IDE: variants seen among roughly 807,000 people sequenced by gnomAD.
The protein encoded by IDE is insulin degrading enzyme, also known as insulin-degrading enzyme.
Under a neutral mutation model 133.2 loss-of-function variants are expected in IDE, and 58 were observed. The ratio of observed to expected loss-of-function variants is 0.44; its 90% CI spans 0.35 to 0.54. The LOEUF (loss-of-function observed/expected upper bound fraction) is 0.54. IDE is among the 20% of genes least tolerant of loss of function. IDE has a pLI of 0.00. For synonymous variants in IDE, 396 were observed against 421.3 expected (o/e 0.94, Z 0.73); for missense variants, 981 against 1,234.0 (o/e 0.79, Z 3.07).
chr10:92,569,477 A>T (rs929997961), intron 1 of IDE, among the ~76,000 whole-genome samples: 5 of 152,218 alleles, frequency 3.3e-5, no homozygotes, highest in Non-Finnish European at 2.9e-5. Context: ...GATGTTACGA[A>T]GATGATCATG....
chr10:92,483,800 A>C (rs1484453946), intron 13 of IDE, among the ~76,000 whole-genome samples: 1 of 152,102 alleles, frequency 6.6e-6, no homozygotes, highest in Non-Finnish European at 1.5e-5. Context: ...ACAAAATATG[A>C]CAGAATTAAT....
intron 12 of IDE, among the ~76,000 whole-genome samples, chr10:92,487,553 A>G (rs1279185468): frequency 6.6e-6 from 1 of 152,178 alleles, no homozygotes; most frequent in Non-Finnish European, 1.5e-5. Flanking sequence ...TCCTCTCCAC[A>G]TCTCCAAAAT....
intron 1 of IDE, among the ~76,000 whole-genome samples, chr10:92,555,156 C>A (rs1356331795): frequency 1.3e-5 from 2 of 152,120 alleles, no homozygotes; most frequent in East Asian, 3.9e-4. Context: ...CATTTCTATT[C>A]ATCAATGATA....
At chr10:92,484,782 G>C (rs146061621) in intron 13 of IDE, among the ~76,000 whole-genome samples, 143 of 152,140 alleles carry the variant, frequency 9.4e-4, no homozygotes, top group South Asian at 1.9e-3. Context: ...GAGAAACCAG[G>C]CATGATGGTT....
intron 11 of IDE, among the ~76,000 whole-genome samples, chr10:92,493,614 C>A (rs1006307845): frequency 3.3e-5 from 5 of 151,420 alleles, no homozygotes; most frequent in African/African-American, 1.2e-4. Flanking sequence ...GGGAAAAAGG[C>A]AGACTCATCA....
chr10:92,511,952 T>C (rs1228345773), intron 5 of IDE, among the ~76,000 whole-genome samples: 1 of 152,162 alleles, frequency 6.6e-6, no homozygotes, highest in Non-Finnish European at 1.5e-5. Flanking sequence ...CTCTTGCGTA[T>C]TTCTACCCTA....
At chr10:92,539,999 C>G (rs558586912) in intron 1 of IDE, among the ~76,000 whole-genome samples, 1 of 151,998 alleles carries the variant, frequency 6.6e-6, no homozygotes, top group African/African-American at 2.4e-5. Context: ...CCTAGCACTT[C>G]GGGAGACTGA....
intron 15 of IDE, among the ~76,000 whole-genome samples, chr10:92,477,959 C>T (rs927021362): frequency 6.6e-6 from 1 of 152,136 alleles, no homozygotes; most frequent in South Asian, 2.1e-4. Context: ...AAAATTCCTA[C>T]AATCTTTTGT....
intron 1 of IDE, among the ~76,000 whole-genome samples, chr10:92,551,825 G>C (rs532971961): frequency 3.3e-5 from 5 of 151,842 alleles, no homozygotes; most frequent in South Asian, 2.1e-4. Flanking sequence ...TACTGCCACC[G>C]AACAATACAC....
rs1275798551 is a variant in IDE at position 92,453,600 on chromosome 10, A to G, written c.*844T>C. The G allele has an allele frequency of 2.0e-5, 3 of 152,212 alleles. No individual in the cohort carries two copies. Among genetic ancestry groups the G allele is most frequent in the African/African-American group, 7.2e-5 (3 of 41,464 alleles). 9.4% of individuals were successfully genotyped at this position (152,212 alleles called of 1,614,324 possible). On this transcript the variant is annotated 3_prime_UTR_variant, in exon 25 of 25. Coordinates refer to ENST00000265986, the MANE Select transcript of IDE (RefSeq NM_004969.4). ...AAAGCTGATGTTGGAAAAGCATGTC[A>G]CACACTCAGTAGGATCTGAAGTTGA...
Position 92,537,559 on chromosome 10 carries a change from A to G in IDE, c.99-9T>C. 6.3e-7 allele frequency: 1 copy of G among 1,577,640 alleles called. No individual in the cohort carries two copies. Among genetic ancestry groups the G allele is most frequent in the Non-Finnish European group, 8.6e-7 (1 of 1,157,728 alleles). On this transcript the variant is annotated splice_polypyrimidine_tract_variant and intron_variant, in intron 1 of 24. Coordinates refer to ENST00000265986, the MANE Select transcript of IDE (RefSeq NM_004969.4). ...AAGTCTTTTTTTGGAAACTGAAAAG[A>G]AAGAGATTTTTAATTGTTGATTTGT...
chr10:92,512,931 C>A (rs762724772), intron 5 of IDE, among the ~76,000 whole-genome samples: 14 of 151,000 alleles, frequency 9.3e-5, no homozygotes, highest in Non-Finnish European at 1.9e-4. Context: ...TGTATTATCT[C>A]AATTAAACCT....
intron 15 of IDE, chr10:92,478,755 T>C (rs1386563395): frequency 7.1e-6 from 9 of 1,266,104 alleles, no homozygotes; most frequent in Non-Finnish European, 7.2e-6. Context: ...AGGTATGTCA[T>C]GTTGCAATGG....
chr10:92,558,165 G>T (rs1192004170), intron 1 of IDE, among the ~76,000 whole-genome samples: 1 of 152,134 alleles, frequency 6.6e-6, no homozygotes, highest in African/African-American at 2.4e-5. Context: ...CGATTCTCCT[G>T]TCTCAGTCTC....
At chr10:92,464,098 C>G in intron 20 of IDE, 95 bp from the exon 21 acceptor site, 1 of 1,310,022 alleles carries the variant, frequency 7.6e-7, no homozygotes, top group Non-Finnish European at 1.1e-6. Flanking sequence ...CAAATAAAAT[C>G]TAGTTTAAGG....
chr10:92,479,610 AGTGTGTGTGTGT>A (rs3831274), intron 14 of IDE, 189 bp from the exon 15 acceptor site: 1 of 470,012 alleles, frequency 2.1e-6, no homozygotes, highest in Non-Finnish European at 3.8e-6. Flanking sequence ...AGTGTGTGTG[AGTGTGTGTGTGT>A]GTGTGTGCAT....
intron 4 of IDE, among the ~76,000 whole-genome samples, chr10:92,517,260 G>C (rs938771707): frequency 2.0e-5 from 3 of 152,182 alleles, no homozygotes; most frequent in South Asian, 2.1e-4. Context: ...TCCTGTCCCA[G>C]AATGCTTAAC....
Position 92,500,649 on chromosome 10 carries a change from ATTTC to A in IDE, c.1430+4141_1430+4144del, listed in dbSNP as rs568046173. 8.5e-5 allele frequency among the ~76,000 whole-genome samples: 13 copies of A among 152,220 alleles called. No individual in the cohort carries two copies. In the South Asian group the frequency reaches 2.5e-3, roughly 29 times the overall value. The stretch of plus-strand genomic sequence containing the variant: ...ATCTGGACTCTGTTCTCTTCCAATG[ATTTC>A]TTTGTCTATCCATATGATGTCAATA... On this transcript the variant is annotated intron_variant, in intron 11 of 24. Transcript: ENST00000265986.
At chr10:92,497,814 T>C (rs368419001) in intron 11 of IDE, 2 of 396,212 alleles carry the variant, frequency 5.0e-6, no homozygotes. Context: ...TCTCTTTAAA[T>C]GTGAGAGTAA....
Sources: allele counts gnomAD v4.1 joint callset (sites outside exome capture counted in the v4.1 genomes callset), GRCh38; gene constraint gnomAD v4.1.1; transcripts MANE v1.5; gene names NCBI Gene and HGNC (gene_info 2026-07-23, HGNC 2026-07-21).